The following PALM2AKAP2 variants were observed in gnomAD, a reference collection of about 807,000 sequenced individuals.
PALM2AKAP2 encodes PALM2-AKAP2 fusion protein.
A neutral mutation model predicts 71.5 loss-of-function variants in PALM2AKAP2; 37 were observed. The observed-to-expected ratio is 0.52, with a 90% CI of 0.40 to 0.68. The LOEUF (loss-of-function observed/expected upper bound fraction) is 0.68, where lower values mean the gene tolerates loss of function less well. PALM2AKAP2 is among the 30% of genes least tolerant of loss of function. The pLI is 0.00. For missense variants in PALM2AKAP2, 1,224 were observed against 1,191.8 expected (o/e 1.03, Z -0.40); for synonymous variants, 468 against 478.8 (o/e 0.98, Z 0.29).
At chr9:109,769,510 T>C (rs995878150) in intron 1 of PALM2AKAP2, among the ~76,000 whole-genome samples, 4 of 152,162 alleles carry the variant, frequency 2.6e-5, no homozygotes, top group African/African-American at 9.7e-5. Context: ...CGACAGACTG[T>C]TTTCCTTGGA....
chr9:110,023,466 C>A (rs983795313), intron 7 of PALM2AKAP2, among the ~76,000 whole-genome samples: 12 of 151,744 alleles, frequency 7.9e-5, no homozygotes, highest in Non-Finnish European at 1.8e-4. Flanking sequence ...AGGCCTGTGC[C>A]ACCACGCCCG....
At chr9:110,146,574 C>T (rs549870132) in intron 2 of PALM2AKAP2, among the ~76,000 whole-genome samples, 2 of 152,320 alleles carry the variant, frequency 1.3e-5, no homozygotes, top group African/African-American at 4.8e-5. Flanking sequence ...CTAATTCTTG[C>T]AAGTTCCTTG....
chr9:109,701,216 C>G (rs1020448122), intron 1 of PALM2AKAP2, among the ~76,000 whole-genome samples: 1 of 152,190 alleles, frequency 6.6e-6, no homozygotes, highest in African/African-American at 2.4e-5. Context: ...CTACCAATGA[C>G]TTTCTTCACA....
intron 6 of PALM2AKAP2, among the ~76,000 whole-genome samples, chr9:110,014,810 A>G (rs1191656136): frequency 0.072 from 589 of 8,164 alleles, 3 homozygotes; most frequent in African/African-American, 0.11. Context: ...AAAAATGTAT[A>G]TATATATATA....
rs1834329734 is a variant in PALM2AKAP2, at chr9:110,076,519, A to G, written c.156+27664A>G. Among the ~76,000 whole-genome samples, 3 of 144,686 alleles carry G rather than the reference A, an allele frequency of 2.1e-5. 1 individual carries two copies. In the South Asian group the frequency reaches 6.3e-4, roughly 30 times the overall value. The allele number at this position is 144,686 out of a possible 152,430, so 94.9% of individuals were successfully genotyped here. ...TATATATATATATATATAGGTATAT[A>G]TACCTCCAAAAGGATGCTTTTCAAA... is the stretch of plus-strand genomic sequence containing the variant. On this transcript the variant is annotated intron_variant, in intron 1 of 3. Coordinates refer to ENST00000374525, the Ensembl canonical transcript of PALM2AKAP2.
chr9:109,671,799 A>G (rs999844681), intron 1 of PALM2AKAP2, among the ~76,000 whole-genome samples: 1 of 152,060 alleles, frequency 6.6e-6, no homozygotes, highest in African/African-American at 2.4e-5. Flanking sequence ...CTCCTTGTAG[A>G]GATTTTTCAC....
intron 1 of PALM2AKAP2, among the ~76,000 whole-genome samples, chr9:109,658,124 G>A (rs1412848255): frequency 6.6e-6 from 1 of 152,128 alleles, no homozygotes; most frequent in Non-Finnish European, 1.5e-5. Flanking sequence ...TTGGGAGCGT[G>A]TTAAGTTTGA....
At chr9:109,961,367 T>G (rs1482863176) in intron 6 of PALM2AKAP2, among the ~76,000 whole-genome samples, 3 of 152,228 alleles carry the variant, frequency 2.0e-5, no homozygotes, top group Non-Finnish European at 4.4e-5. Context: ...CAGTGAAGTT[T>G]AGCATGGTAT....
At chr9:109,832,664 A>G (rs1218945557) in intron 1 of PALM2AKAP2, among the ~76,000 whole-genome samples, 1 of 152,202 alleles carries the variant, frequency 6.6e-6, no homozygotes, top group African/African-American at 2.4e-5. Flanking sequence ...GACTTTTACA[A>G]AATGCAAATT....
At chr9:109,971,043 C>T (rs887768824) in intron 6 of PALM2AKAP2, among the ~76,000 whole-genome samples, 4 of 151,884 alleles carry the variant, frequency 2.6e-5, no homozygotes, top group African/African-American at 7.3e-5. Flanking sequence ...CCCAGGAGGC[C>T]GATCACACCA....
At chr9:110,013,005 G>A (rs1035665159) in intron 6 of PALM2AKAP2, among the ~76,000 whole-genome samples, 1 of 152,174 alleles carries the variant, frequency 6.6e-6, no homozygotes, top group African/African-American at 2.4e-5. Context: ...TTACAATAAT[G>A]CTGCTTGACA....
At chr9:109,710,510 A>G (rs1049301025) in intron 1 of PALM2AKAP2, among the ~76,000 whole-genome samples, 1 of 152,226 alleles carries the variant, frequency 6.6e-6, no homozygotes, top group Non-Finnish European at 1.5e-5. Context: ...GGATTCTGAC[A>G]CTGTCGCAAG....
At chr9:109,821,617 C>G (rs558404314) in intron 1 of PALM2AKAP2, among the ~76,000 whole-genome samples, 140 of 152,254 alleles carry the variant, frequency 9.2e-4, no homozygotes, top group Non-Finnish European at 1.6e-3. Flanking sequence ...CAAGACATCA[C>G]CATATGAAAG....
At chr9:109,983,502 A>G (rs1564245114) in intron 6 of PALM2AKAP2, among the ~76,000 whole-genome samples, 1 of 151,484 alleles carries the variant, frequency 6.6e-6, no homozygotes, top group Non-Finnish European at 1.5e-5. Flanking sequence ...TGTTTTCTTA[A>G]CCCCATATTC....
At chr9:109,702,541 A>G (rs1828077493) in intron 1 of PALM2AKAP2, among the ~76,000 whole-genome samples, 1 of 145,362 alleles carries the variant, frequency 6.9e-6, no homozygotes, top group African/African-American at 2.5e-5. Flanking sequence ...GAATTGAACA[A>G]TGAGAACACA....
At chr9:109,862,070 G>T (rs567033358) in intron 1 of PALM2AKAP2, among the ~76,000 whole-genome samples, 97 of 152,196 alleles carry the variant, frequency 6.4e-4, no homozygotes, top group Non-Finnish European at 1.3e-3. Flanking sequence ...GTTAGAGAGA[G>T]AAGATGTGTA....
At chr9:109,943,155 T>C in intron 6 of PALM2AKAP2, 5 of 1,614,194 alleles carry the variant, frequency 3.1e-6, no homozygotes, top group Non-Finnish European at 4.2e-6. Flanking sequence ...ATATCGAGGA[T>C]GAAGAGGAGA....
At chr9:109,741,644 G>A (rs1057324542) in intron 1 of PALM2AKAP2, among the ~76,000 whole-genome samples, 4 of 152,160 alleles carry the variant, frequency 2.6e-5, no homozygotes, top group African/African-American at 9.7e-5. Flanking sequence ...GGGTTTGTTT[G>A]TTTTTGTTCT....
At chr9:109,987,170 G>T (rs1832393911) in intron 6 of PALM2AKAP2, among the ~76,000 whole-genome samples, 1 of 151,792 alleles carries the variant, frequency 6.6e-6, no homozygotes, top group Admixed American at 6.6e-5. Context: ...TTGCTCTGTT[G>T]CCCAGGCTGG....
Sources: allele counts gnomAD v4.1 joint callset (sites outside exome capture counted in the v4.1 genomes callset), GRCh38; gene constraint gnomAD v4.1.1; transcripts MANE v1.5; gene names NCBI Gene and HGNC (gene_info 2026-07-23, HGNC 2026-07-21).